Variants in LMAN2L observed in about 807,000 individuals in gnomAD.
LMAN2L encodes the protein lectin, mannose binding 2 like.
In LMAN2L, 30 loss-of-function variants were observed where a neutral mutation model predicts 44.3. The observed-to-expected ratio is 0.68, with a 90% CI of 0.51 to 0.92. The LOEUF is 0.92. Among genes scored for constraint, LMAN2L ranks in the 40% least tolerant of loss-of-function variants. LMAN2L has a pLI of 0.00. For synonymous variants in LMAN2L, 183 were observed against 171.1 expected (o/e 1.07, Z -0.54); for missense variants, 429 against 446.1 (o/e 0.96, Z 0.35).
At chr2:96,717,695 C>T (rs549934462) in intron 4 of LMAN2L, among the ~76,000 whole-genome samples, 12 of 151,822 alleles carry the variant, frequency 7.9e-5, no homozygotes, top group Middle Eastern at 3.4e-3. Flanking sequence ...CAAAATTAGA[C>T]GGGCATGGTG....
intron 4 of LMAN2L, among the ~76,000 whole-genome samples, chr2:96,730,352 C>T (rs1442477613): frequency 1.3e-5 from 2 of 152,092 alleles, no homozygotes; most frequent in African/African-American, 2.4e-5. Context: ...TGTACCTACC[C>T]CTTCAGAATC....
intron 4 of LMAN2L, among the ~76,000 whole-genome samples, chr2:96,723,030 A>AT (rs890910618): frequency 6.6e-6 from 1 of 152,126 alleles, no homozygotes; most frequent in African/African-American, 2.4e-5. Flanking sequence ...AAAAAAAAAA[A>AT]AGTTTTGTGT....
At position 96,738,120 on chromosome 2, in the gene LMAN2L, A is replaced by G. The variant is rs1574033802; in HGVS notation, c.188-53T>C. ...ACTTTTCAACACCAATCCATTCAGA[A>G]AGCAGCCACCACAGAGCCTCTGAAA... On this transcript the variant is annotated intron_variant, in intron 1 of 7. Coordinates refer to ENST00000264963, the MANE Select transcript of LMAN2L (RefSeq NM_030805.4). 4 of 1,251,390 alleles carry G rather than the reference A, an allele frequency of 3.2e-6. No individual in the cohort carries two copies. In the East Asian group the frequency reaches 9.3e-5, roughly 29 times the overall value. 77.5% of individuals were successfully genotyped at this position (1,251,390 alleles called of 1,614,324 possible).
Position 96,711,759 on chromosome 2 carries a change from A to G in LMAN2L, c.681T>C (p.Asp227=). The G allele has an allele frequency of 4.3e-6, 7 of 1,614,106 alleles. No homozygotes were observed. The highest frequency in any genetic ancestry group is 5.9e-6 in the Non-Finnish European group (7 of 1,179,948). Residue 227 remains aspartate, a synonymous_variant, in exon 6 of 8, where the codon GAT becomes GAC. Coordinates refer to ENST00000264963, the MANE Select transcript of LMAN2L (RefSeq NM_030805.4). ...CCCTCCACTCATGCTTGCCATCAAT[A>G]TCCATCATTATCTAGAATAAAAAGA... The part of the protein sequence containing the change: ...YVKRHLTIMM[D]IDGKHEWRDC...
In LMAN2L at chr2:96,707,012, T is replaced by C. The variant is rs2077797035; in HGVS notation, c.*244A>G. The C allele has an allele frequency of 8.6e-6, 3 of 348,244 alleles. No individual in the cohort carries two copies. Among genetic ancestry groups the C allele is most frequent in the Non-Finnish European group, 1.6e-5 (3 of 193,134 alleles). 21.6% of individuals were successfully genotyped at this position (348,244 alleles called of 1,614,324 possible). A position where few individuals can be genotyped will look rare whatever the true frequency, so the allele number is the denominator to read the frequency against. ...CACCTCTGCTCCCACATGGAAGGAC[T>C]GCAGGGAAAGGCACATCACAGCAGC... On this transcript the variant is annotated 3_prime_UTR_variant, in exon 8 of 8. Coordinates refer to ENST00000264963, the MANE Select transcript of LMAN2L (RefSeq NM_030805.4).
chr2:96,716,041 C>G (rs2078033763), intron 4 of LMAN2L, among the ~76,000 whole-genome samples: 1 of 152,210 alleles, frequency 6.6e-6, no homozygotes, highest in Admixed American at 6.5e-5. Flanking sequence ...TTTCTAGATA[C>G]AAATATCGTT....
intron 4 of LMAN2L, among the ~76,000 whole-genome samples, chr2:96,722,795 C>A (rs764103148): frequency 5.3e-5 from 8 of 152,142 alleles, no homozygotes; most frequent in Non-Finnish European, 1.0e-4. Context: ...CCAAGGCGGG[C>A]GGATAACTTG....
At chr2:96,711,398 C>A (rs1197886661) in intron 6 of LMAN2L, among the ~76,000 whole-genome samples, 2 of 152,194 alleles carry the variant, frequency 1.3e-5, no homozygotes, top group Non-Finnish European at 2.9e-5. Flanking sequence ...ACGATACAGG[C>A]TAGAAGAGCC....
intron 6 of LMAN2L, among the ~76,000 whole-genome samples, chr2:96,711,140 A>G (rs2077906540): frequency 6.6e-6 from 1 of 152,238 alleles, no homozygotes; most frequent in African/African-American, 2.4e-5. Context: ...ATGACCTTTC[A>G]TGAGAATGGT....
At chr2:96,735,393 T>G (rs1282049878) in intron 2 of LMAN2L, among the ~76,000 whole-genome samples, 7 of 152,202 alleles carry the variant, frequency 4.6e-5, no homozygotes, top group Non-Finnish European at 4.4e-5. Flanking sequence ...TCTGGGATAT[T>G]TTCCAACAGT....
intron 4 of LMAN2L, among the ~76,000 whole-genome samples, chr2:96,720,612 T>C (rs536971353): frequency 6.6e-6 from 1 of 152,152 alleles, no homozygotes; most frequent in South Asian, 2.1e-4. Flanking sequence ...CTACTGTGCC[T>C]GCCCACTGGT....
intron 4 of LMAN2L, among the ~76,000 whole-genome samples, chr2:96,720,679 G>A (rs573964943): frequency 6.6e-4 from 101 of 152,198 alleles, no homozygotes; most frequent in African/African-American, 2.3e-3. Flanking sequence ...GGTGACTCAC[G>A]CCTGTAATCC....
chr2:96,738,191 A>G (rs929667837), intron 1 of LMAN2L, 124 bp from the exon 2 acceptor site: 6 of 650,968 alleles, frequency 9.2e-6, no homozygotes, highest in African/African-American at 5.5e-5. Flanking sequence ...TCAATCTCCT[A>G]TCTTCTCTCA....
In LMAN2L at chr2:96,721,292, T is replaced by C. The variant is rs1031231636; in HGVS notation, c.508-9267A>G. 2.6e-5 allele frequency among the ~76,000 whole-genome samples: 4 copies of C among 151,838 alleles called. No individual in the cohort carries two copies. The East Asian group carries it at 7.7e-4, about 29-fold the overall frequency. On this transcript the variant is annotated intron_variant, in intron 4 of 7. Coordinates refer to ENST00000264963, the MANE Select transcript of LMAN2L (RefSeq NM_030805.4). Reference sequence around the variant, plus strand: ...ATAGTGTTTTCATGGGTCATCCATGTTGGAGCACATATCGATACTTAATTT... The same window carrying C: ...ATAGTGTTTTCATGGGTCATCCATGCTGGAGCACATATCGATACTTAATTT...
intron 4 of LMAN2L, among the ~76,000 whole-genome samples, chr2:96,716,109 ATT>A (rs1477373714): frequency 8.5e-5 from 13 of 152,338 alleles, no homozygotes; most frequent in African/African-American, 3.1e-4. Flanking sequence ...TAAAGCACGA[ATT>A]CCCAGACCAC....
chr2:96,737,179 T>A, intron 2 of LMAN2L: 1 of 456,088 alleles, frequency 2.2e-6, no homozygotes. Context: ...GAATACTGCA[T>A]TCACTTCTTG....
At chr2:96,728,070 T>C (rs895426200) in intron 4 of LMAN2L, among the ~76,000 whole-genome samples, 17 of 152,238 alleles carry the variant, frequency 1.1e-4, no homozygotes, top group African/African-American at 3.6e-4. Context: ...TTTATGTATA[T>C]TGAAGTAAAC....
chr2:96,711,872 G>A lies in LMAN2L; in HGVS notation c.661C>T (p.His221Tyr), dbSNP rs1487040590. The A allele has an allele frequency of 5.0e-6, 8 of 1,614,088 alleles. No homozygotes were observed. The highest frequency in any genetic ancestry group is 5.9e-6 in the Non-Finnish European group (7 of 1,180,050). The change falls in exon 5 of 8, where the codon CAT becomes TAT. Residue 221 changes from histidine (H) to tyrosine (Y), a missense_variant. Coordinates refer to ENST00000264963, the MANE Select transcript of LMAN2L (RefSeq NM_030805.4). ...AGGACAAGGACTCTCACCGTCAAAT[G>A]CCTCTTGACGTAGCGAATCACCAGG... ...TFLVIRYVKR[H>Y]LTIMMDIDGK...
intron 2 of LMAN2L, among the ~76,000 whole-genome samples, chr2:96,737,551 G>A (rs2078541793): frequency 6.6e-6 from 1 of 152,210 alleles, no homozygotes; most frequent in African/African-American, 2.4e-5. Flanking sequence ...TACTCAGGAG[G>A]CTGAGGCAGG....
Sources: gnomAD v4.1 joint callset for allele counts (sites outside exome capture counted in the v4.1 genomes callset) on GRCh38, gnomAD v4.1.1 for gene constraint, MANE v1.5 for transcripts, NCBI Gene and HGNC (gene_info 2026-07-23, HGNC 2026-07-21) for gene names.